Variants in FOXN3 observed in about 807,000 individuals in gnomAD.
FOXN3 encodes forkhead box N3.
A neutral mutation model predicts 38.4 loss-of-function variants in FOXN3; 7 were observed. That is an observed-to-expected ratio of 0.18 (90% CI 0.10 to 0.34). FOXN3 has a LOEUF of 0.34. Ranked by LOEUF, FOXN3 falls within the 10% of genes least tolerant of loss-of-function variation. The pLI, the probability that FOXN3 is intolerant of heterozygous loss-of-function variation, is 1.00. For missense variants in FOXN3, 456 were observed against 613.4 expected, an observed-to-expected ratio of 0.74 and a Z score of 2.71; for synonymous variants, 230 against 242.2, an observed-to-expected ratio of 0.95 and a Z score of 0.47.
At chr14:89,446,871 A>T (rs1892511857) in intron 1 of FOXN3, among the ~76,000 whole-genome samples, 1 of 152,232 alleles carries the variant, frequency 6.6e-6, no homozygotes, top group African/African-American at 2.4e-5. Context: ...CAGATTCATT[A>T]ATATATCTTG....
intron 2 of FOXN3, among the ~76,000 whole-genome samples, chr14:89,374,288 A>AAAAAAAAAAAAG (rs1566971380): frequency 6.7e-6 from 1 of 148,378 alleles, no homozygotes; most frequent in African/African-American, 2.5e-5. Flanking sequence ...AAAAAAAAAA[A>AAAAAAAAAAAAG]AAGAAGGAAG....
intron 3 of FOXN3, among the ~76,000 whole-genome samples, chr14:89,324,831 T>G (rs1596184636): frequency 6.6e-6 from 1 of 152,112 alleles, no homozygotes; most frequent in African/African-American, 2.4e-5. Context: ...GCTGGCCCAG[T>G]GTTTCTTAAA....
intron 1 of FOXN3, among the ~76,000 whole-genome samples, chr14:89,528,409 T>TTG (rs1894478238): frequency 1.0e-5 from 1 of 98,966 alleles, no homozygotes; most frequent in Non-Finnish European, 2.2e-5. Context: ...TTTTTTTTTT[T>TTG]GAAAAAGAAA....
rs552713885 is a variant in FOXN3 at position 89,352,562 on chromosome 14, T to C, written c.544-1754A>G. Among the ~76,000 whole-genome samples, 12 of 152,218 alleles carry C rather than the reference T, an allele frequency of 7.9e-5. No individual in the cohort carries two copies. In the South Asian group the frequency reaches 2.5e-3, roughly 32 times the overall value. On this transcript the variant is annotated intron_variant, in intron 2 of 5. Coordinates refer to ENST00000557258, the MANE Select transcript of FOXN3 (RefSeq NM_005197.4). ...GGCTCCCGGTGGAGCCCTGGGCCAGTGGGACCTGCCTTTCTGATCCCTTGC... is the reference window on the plus strand; with the variant it reads ...GGCTCCCGGTGGAGCCCTGGGCCAGCGGGACCTGCCTTTCTGATCCCTTGC...
intron 1 of FOXN3, among the ~76,000 whole-genome samples, chr14:89,605,863 C>T (rs1896264180): frequency 6.6e-6 from 1 of 152,058 alleles, no homozygotes; most frequent in South Asian, 2.1e-4. Flanking sequence ...ACTTGTAATA[C>T]CAGCACTTTG....
chr14:89,500,433 G>A (rs1893771555), intron 1 of FOXN3, among the ~76,000 whole-genome samples: 1 of 152,184 alleles, frequency 6.6e-6, no homozygotes, highest in African/African-American at 2.4e-5. Context: ...TGGGCATCTG[G>A]CATGATAGAG....
intron 2 of FOXN3, among the ~76,000 whole-genome samples, chr14:89,368,329 T>TC (rs1310937871): frequency 1.3e-5 from 1 of 74,722 alleles, no homozygotes; most frequent in African/African-American, 3.8e-5. Flanking sequence ...AAACTCTGTC[T>TC]CAAAAAAAAA....
At chr14:89,461,648 T>C (rs1266945043) in intron 1 of FOXN3, among the ~76,000 whole-genome samples, 4 of 152,186 alleles carry the variant, frequency 2.6e-5, no homozygotes, top group Admixed American at 2.6e-4. Context: ...ACAATAACTA[T>C]GATTTGTAGG....
intron 4 of FOXN3, among the ~76,000 whole-genome samples, chr14:89,199,356 C>T (rs1018150398): frequency 2.0e-5 from 3 of 152,158 alleles, no homozygotes; most frequent in African/African-American, 7.2e-5. Flanking sequence ...CTAAGTTGGA[C>T]ACCAAGTTGT....
At chr14:89,250,653 C>T (rs1419386920) in intron 4 of FOXN3, among the ~76,000 whole-genome samples, 2 of 152,212 alleles carry the variant, frequency 1.3e-5, no homozygotes, top group Non-Finnish European at 2.9e-5. Context: ...AATGTTTCTT[C>T]TGTCCCCAAA....
At chr14:89,274,112 G>A (rs1886232103) in intron 4 of FOXN3, among the ~76,000 whole-genome samples, 1 of 152,110 alleles carries the variant, frequency 6.6e-6, no homozygotes, top group African/African-American at 2.4e-5. Flanking sequence ...CCAACCAAAT[G>A]GGAAAGCAAT....
At chr14:89,297,074 C>T (rs977828745) in intron 3 of FOXN3, among the ~76,000 whole-genome samples, 1 of 152,138 alleles carries the variant, frequency 6.6e-6, no homozygotes, top group Non-Finnish European at 1.5e-5. Context: ...TTAAGCAATA[C>T]TTTTCAAACA....
chr14:89,215,532 A>T (rs1884248762), intron 4 of FOXN3, among the ~76,000 whole-genome samples: 1 of 152,218 alleles, frequency 6.6e-6, no homozygotes, highest in Non-Finnish European at 1.5e-5. Flanking sequence ...CCCTGAGGCA[A>T]AATGCATCCG....
intron 1 of FOXN3, among the ~76,000 whole-genome samples, chr14:89,451,490 C>T (rs1042420863): frequency 1.3e-5 from 2 of 152,190 alleles, no homozygotes; most frequent in South Asian, 4.1e-4. Flanking sequence ...TTTACCAAGG[C>T]TTTCCTGAGA....
chr14:89,604,089 T>TA (rs1896215348), intron 1 of FOXN3, among the ~76,000 whole-genome samples: 1 of 152,238 alleles, frequency 6.6e-6, no homozygotes, highest in Admixed American at 6.5e-5. Context: ...TGCAGGTTGA[T>TA]AATGATCCTA....
chr14:89,216,433 G>C (rs1884284550), intron 4 of FOXN3, among the ~76,000 whole-genome samples: 1 of 152,136 alleles, frequency 6.6e-6, no homozygotes, highest in Non-Finnish European at 1.5e-5. Flanking sequence ...ATGCATCTAA[G>C]CCACTCTCCC....
intron 2 of FOXN3, among the ~76,000 whole-genome samples, chr14:89,375,021 C>T (rs953398735): frequency 3.3e-5 from 5 of 149,738 alleles, no homozygotes; most frequent in South Asian, 4.2e-4. Flanking sequence ...TGCATTAATA[C>T]GAAATTCTAG....
intron 1 of FOXN3, among the ~76,000 whole-genome samples, chr14:89,608,675 C>T (rs188698792): frequency 1.5e-3 from 225 of 152,240 alleles, no homozygotes; most frequent in African/African-American, 5.1e-3. Context: ...TGAGTTTGTT[C>T]CTCCTTCATA....
intron 3 of FOXN3, among the ~76,000 whole-genome samples, chr14:89,327,717 C>CA (rs1232901893): frequency 2.6e-5 from 4 of 152,172 alleles, no homozygotes; most frequent in African/African-American, 9.7e-5. Context: ...CAAGTCTCCC[C>CA]AAAGGCACAA....
Sources: allele counts gnomAD v4.1 joint callset (sites outside exome capture counted in the v4.1 genomes callset), GRCh38; gene constraint gnomAD v4.1.1; transcripts MANE v1.5; gene names NCBI Gene and HGNC (gene_info 2026-07-23, HGNC 2026-07-21).